Variants in DCC observed in about 807,000 individuals in gnomAD.
DCC encodes the protein DCC netrin 1 receptor, also known as netrin receptor DCC.
A neutral mutation model predicts 172.5 loss-of-function variants in DCC; 58 were observed. The ratio of observed to expected loss-of-function variants is 0.34; its 90% CI spans 0.27 to 0.42. DCC has a LOEUF of 0.42. Ranked by LOEUF, DCC falls within the 10% of genes least tolerant of loss-of-function variation. The pLI, the probability that DCC is intolerant of heterozygous loss-of-function variation, is 1.00. For missense variants in DCC, 1,740 were observed against 1,791.0 expected (o/e 0.97, Z 0.51); for synonymous variants, 709 against 644.5 (o/e 1.10, Z -1.52).
chr18:52,976,389 T>C (rs940837417), intron 5 of DCC, among the ~76,000 whole-genome samples: 16 of 152,182 alleles, frequency 1.1e-4, no homozygotes, highest in Non-Finnish European at 1.5e-5. Flanking sequence ...TTGTTGCAAT[T>C]GCTTCTGGTG....
At chr18:53,032,118 A>G (rs896263203) in intron 5 of DCC, among the ~76,000 whole-genome samples, 24 of 152,180 alleles carry the variant, frequency 1.6e-4, no homozygotes, top group Non-Finnish European at 2.9e-4. Context: ...TAGAAATAAT[A>G]CAGAACATAC....
chr18:53,287,105 A>G (rs1194402799), intron 12 of DCC, among the ~76,000 whole-genome samples: 2 of 152,144 alleles, frequency 1.3e-5, no homozygotes, highest in Non-Finnish European at 2.9e-5. Context: ...GTCACCCCTA[A>G]AAGAAATTCT....
At chr18:52,999,995 C>G (rs183532391) in intron 5 of DCC, among the ~76,000 whole-genome samples, 2 of 152,100 alleles carry the variant, frequency 1.3e-5, no homozygotes, top group African/African-American at 4.8e-5. Context: ...AGTGATACAA[C>G]TATAGGCCAA....
intron 26 of DCC, among the ~76,000 whole-genome samples, chr18:53,491,415 G>A (rs998511640): frequency 3.3e-5 from 5 of 152,076 alleles, no homozygotes; most frequent in Admixed American, 3.3e-4. Context: ...AGAATGTACA[G>A]GTTTGTTACA....
At chr18:52,643,958 G>GT (rs33955494) in intron 1 of DCC, among the ~76,000 whole-genome samples, 119,270 of 149,648 alleles carry the variant, frequency 0.8, 47,654 homozygotes, top group Middle Eastern at 0.87. Flanking sequence ...CAGTATTTTG[G>GT]TTTTTTTTTT....
At chr18:52,575,938 A>G (rs966144715) in intron 1 of DCC, among the ~76,000 whole-genome samples, 10 of 152,188 alleles carry the variant, frequency 6.6e-5, no homozygotes, top group African/African-American at 2.2e-4. Context: ...GCCAAAACCA[A>G]TAAAGCAGGC....
At chr18:52,796,818 G>A (rs913270545) in intron 2 of DCC, among the ~76,000 whole-genome samples, 1 of 152,044 alleles carries the variant, frequency 6.6e-6, no homozygotes, top group Non-Finnish European at 1.5e-5. Flanking sequence ...GAACCTATTT[G>A]GGGATCTTTG....
intron 21 of DCC, among the ~76,000 whole-genome samples, chr18:53,427,690 G>T (rs1014232381): frequency 6.7e-6 from 1 of 149,850 alleles, no homozygotes; most frequent in Admixed American, 6.9e-5. Context: ...CAGCTCCTTT[G>T]GTTCCCTAAT....
At chr18:52,595,006 A>G (rs1394310297) in intron 1 of DCC, among the ~76,000 whole-genome samples, 2 of 152,200 alleles carry the variant, frequency 1.3e-5, no homozygotes, top group Non-Finnish European at 2.9e-5. Flanking sequence ...TTCTTTTGTT[A>G]AGACTACCTG....
intron 1 of DCC, among the ~76,000 whole-genome samples, chr18:52,376,755 T>G (rs1985365969): frequency 6.6e-6 from 1 of 152,184 alleles, no homozygotes; most frequent in South Asian, 2.1e-4. Flanking sequence ...ATATCTTGTC[T>G]CCTTCAGCAC....
At chr18:53,397,566 A>G (rs1442896488) in intron 18 of DCC, 120 bp downstream of exon 18, 2 of 1,056,510 alleles carry the variant, frequency 1.9e-6, no homozygotes, top group Non-Finnish European at 2.8e-6. Flanking sequence ...AAAATAGTTC[A>G]TCCTCTATAG....
chr18:52,833,829 T>TA (rs201150843), intron 2 of DCC, among the ~76,000 whole-genome samples: 6 of 152,274 alleles, frequency 3.9e-5, no homozygotes, highest in Non-Finnish European at 7.3e-5. Flanking sequence ...CCTAGCTAAT[T>TA]AAAAAAAATT....
chr18:52,912,566 A>G (rs2039985727), intron 3 of DCC, among the ~76,000 whole-genome samples: 2 of 152,142 alleles, frequency 1.3e-5, no homozygotes, highest in Admixed American at 1.3e-4. Context: ...TTATTGCTAC[A>G]TGATTTTACC....
intron 1 of DCC, among the ~76,000 whole-genome samples, chr18:52,725,726 G>A (rs1309879783): frequency 6.6e-6 from 1 of 152,122 alleles, no homozygotes; most frequent in African/African-American, 2.4e-5. Context: ...GACTAAGATG[G>A]CATAGCCAAT....
At chr18:52,927,920 T>C (rs1451669943) in intron 5 of DCC, among the ~76,000 whole-genome samples, 2 of 152,090 alleles carry the variant, frequency 1.3e-5, no homozygotes, top group Non-Finnish European at 2.9e-5. Flanking sequence ...ATTAGGTATA[T>C]ACTCAACGGA....
intron 7 of DCC, among the ~76,000 whole-genome samples, chr18:53,087,496 A>G (rs909900671): frequency 1.3e-5 from 2 of 151,316 alleles, no homozygotes; most frequent in African/African-American, 4.9e-5. Flanking sequence ...TAGATTCTGG[A>G]TATTAGCCCT....
intron 7 of DCC, among the ~76,000 whole-genome samples, chr18:53,127,532 G>A (rs2043582169): frequency 6.6e-6 from 1 of 152,056 alleles, no homozygotes; most frequent in African/African-American, 2.4e-5. Context: ...GGGTGGCTCT[G>A]ATTCCCACTA....
chr18:52,809,719 C>A (rs1370095470), intron 2 of DCC, among the ~76,000 whole-genome samples: 1 of 152,104 alleles, frequency 6.6e-6, no homozygotes, highest in Non-Finnish European at 1.5e-5. Context: ...ACCAGAAGAG[C>A]GTGCAGTTGC....
chr18:53,146,620 G>A lies in DCC; in HGVS notation c.1262-10736G>A, dbSNP rs1015527875. 2.0e-5 allele frequency among the ~76,000 whole-genome samples: 3 copies of A among 152,134 alleles called. No individual in the cohort carries two copies. In the South Asian group the frequency reaches 6.2e-4, roughly 32 times the overall value. ...GACAAAAACACTCAATTCATAGAAA[G>A]CCTTGTCTACAAAGCCAATTCTATA... On this transcript the variant is annotated intron_variant, in intron 7 of 28. Transcript: ENST00000442544.
Sources: allele counts gnomAD v4.1 joint callset (sites outside exome capture counted in the v4.1 genomes callset), GRCh38; gene constraint gnomAD v4.1.1; transcripts MANE v1.5; gene names NCBI Gene and HGNC (gene_info 2026-07-23, HGNC 2026-07-21).